Variants in OLFM3 observed in about 807,000 individuals in gnomAD.
The protein encoded by OLFM3 is olfactomedin 3, also known as noelin-3.
In OLFM3, 20 loss-of-function variants were observed where a neutral mutation model predicts 48.6. The ratio of observed to expected loss-of-function variants is 0.41; its 90% confidence interval spans 0.29 to 0.60. The LOEUF (loss-of-function observed/expected upper bound fraction) is 0.60. Among genes scored for constraint, OLFM3 ranks in the 20% least tolerant of loss-of-function variants. The probability of loss-of-function intolerance (pLI) is 0.28; values close to 1 mark genes in which losing one functional copy is unlikely to be tolerated. For synonymous variants in OLFM3, 222 were observed against 198.1 expected, an observed-to-expected ratio of 1.12 and a Z score of -1.01; for missense variants, 437 against 544.3, an observed-to-expected ratio of 0.80 and a Z score of 1.96.
chr1:101,889,938 A>G (rs939046452), intron 1 of OLFM3, among the ~76,000 whole-genome samples: 21 of 152,078 alleles, frequency 1.4e-4, no homozygotes, highest in Admixed American at 8.5e-4. Context: ...GTCAGAAAAG[A>G]GTGGAGAACA....
intron 4 of OLFM3, among the ~76,000 whole-genome samples, chr1:101,810,087 T>C (rs1009123832): frequency 2.0e-5 from 3 of 151,870 alleles, no homozygotes; most frequent in Non-Finnish European, 2.9e-5. Context: ...GAAAGAAAGA[T>C]GGGGGTGTAA....
At chr1:101,927,208 A>C (rs907614313) in intron 1 of OLFM3, among the ~76,000 whole-genome samples, 1 of 152,170 alleles carries the variant, frequency 6.6e-6, no homozygotes, top group Non-Finnish European at 1.5e-5. Context: ...TGAGAAAAGA[A>C]GTAAAAACTG....
chr1:101,850,299 A>G (rs1045678627), intron 1 of OLFM3, among the ~76,000 whole-genome samples: 3 of 152,146 alleles, frequency 2.0e-5, no homozygotes, highest in African/African-American at 7.2e-5. Context: ...TGGAATGCTG[A>G]AAGCTATTGA....
chr1:101,972,290 C>T (rs1660826310), intron 1 of OLFM3, among the ~76,000 whole-genome samples: 1 of 152,040 alleles, frequency 6.6e-6, no homozygotes, highest in African/African-American at 2.4e-5. Flanking sequence ...AGAAATTATC[C>T]CTTTGTGAAT....
chr1:101,812,583 A>T, intron 4 of OLFM3: 1 of 985,526 alleles, frequency 1.0e-6, no homozygotes, highest in Non-Finnish European at 1.2e-6. Context: ...GCCTTATCTA[A>T]TCGACATTTC....
intron 1 of OLFM3, among the ~76,000 whole-genome samples, chr1:101,992,593 A>C (rs921745651): frequency 1.3e-5 from 2 of 151,288 alleles, no homozygotes; most frequent in African/African-American, 4.9e-5. Flanking sequence ...GCGAATTTTA[A>C]AGCAAGTAGT....
In OLFM3 at chr1:101,830,548, C is replaced by T. The variant is rs1655094780; in HGVS notation, c.372+124G>A. On this transcript the variant is annotated intron_variant, in intron 3 of 5. Coordinates refer to ENST00000370103, the MANE Select transcript of OLFM3 (RefSeq NM_058170.4). ...TTCAGTGGAGAGATGACTGAAATCC[C>T]CCATGAGTCTTTTACCTTGCACATA... The T allele has an allele frequency of 1.0e-5, 10 of 979,064 alleles. No homozygotes were observed. In the South Asian group the frequency reaches 1.3e-4, roughly 12 times the overall value. The allele number at this position is 979,064 out of a possible 1,614,324, so 60.6% of individuals were successfully genotyped here.
intron 1 of OLFM3, among the ~76,000 whole-genome samples, chr1:101,976,100 CA>C (rs1474085825): frequency 1.3e-5 from 2 of 152,086 alleles, no homozygotes; most frequent in Admixed American, 1.3e-4. Flanking sequence ...TGAAAGTCTC[CA>C]AAACACTCCA....
intron 1 of OLFM3, among the ~76,000 whole-genome samples, chr1:101,988,975 A>C (rs1353842096): frequency 1.3e-5 from 2 of 152,138 alleles, no homozygotes; most frequent in African/African-American, 2.4e-5. Context: ...TGCATCAGAC[A>C]CAGTACCTGT....
Position 101,803,165 on chromosome 1 carries a change from T to G in OLFM3, c.*1073A>C, listed in dbSNP as rs1570491749. 6.6e-6 allele frequency: 1 copy of G among 152,178 alleles called. No individual in the cohort carries two copies. The highest frequency in any genetic ancestry group is 2.4e-5 in the African/African-American group (1 of 41,384). 9.4% of individuals were successfully genotyped at this position (152,178 alleles called of 1,614,324 possible). A position where few individuals can be genotyped will look rare whatever the true frequency, so the allele number is the denominator to read the frequency against. On this transcript the variant is annotated 3_prime_UTR_variant, in exon 6 of 6. Transcript: ENST00000370103. ...AATCTAGAGGACATTACAGAATTTT[T>G]TTTTTCTAAGAGTTTTCAAATGTGC...
At chr1:101,847,376 A>G (rs944957346) in intron 1 of OLFM3, among the ~76,000 whole-genome samples, 2 of 151,920 alleles carry the variant, frequency 1.3e-5, no homozygotes, top group African/African-American at 4.8e-5. Flanking sequence ...AAAAAAATAC[A>G]CCTTTAAATG....
At chr1:101,939,234 CTTG>C (rs1659715839) in intron 1 of OLFM3, among the ~76,000 whole-genome samples, 2 of 152,242 alleles carry the variant, frequency 1.3e-5, no homozygotes, top group South Asian at 4.1e-4. Flanking sequence ...TGCGTTTCTA[CTTG>C]TTGTTTGCTT....
At chr1:101,884,590 G>A (rs946991658) in intron 1 of OLFM3, among the ~76,000 whole-genome samples, 2 of 151,938 alleles carry the variant, frequency 1.3e-5, no homozygotes, top group Non-Finnish European at 2.9e-5. Context: ...GAAAGTAATA[G>A]GCTAACTGTA....
chr1:101,808,689 T>G (rs980622694), intron 4 of OLFM3, among the ~76,000 whole-genome samples: 11 of 151,874 alleles, frequency 7.2e-5, no homozygotes, highest in Non-Finnish European at 1.5e-4. Flanking sequence ...ATGACGTTGG[T>G]GGTTTCCCTG....
At chr1:101,869,701 G>A (rs1656999719) in intron 1 of OLFM3, among the ~76,000 whole-genome samples, 1 of 152,148 alleles carries the variant, frequency 6.6e-6, no homozygotes, top group Non-Finnish European at 1.5e-5. Flanking sequence ...ATCTCCACAT[G>A]TCATGGGAGG....
intron 1 of OLFM3, among the ~76,000 whole-genome samples, chr1:101,981,816 G>T (rs1309940293): frequency 6.6e-6 from 1 of 152,020 alleles, no homozygotes; most frequent in East Asian, 1.9e-4. Context: ...TTGAACTTTT[G>T]CCTCAATTTT....
intron 1 of OLFM3, among the ~76,000 whole-genome samples, chr1:101,856,914 G>A (rs1208714070): frequency 6.6e-6 from 1 of 151,962 alleles, no homozygotes; most frequent in East Asian, 1.9e-4. Context: ...AAAAAGAAGA[G>A]GGAATTAGTA....
chr1:101,815,403 C>T (rs569111868), intron 4 of OLFM3, among the ~76,000 whole-genome samples: 82 of 149,726 alleles, frequency 5.5e-4, no homozygotes, highest in African/African-American at 2.0e-3. Flanking sequence ...GCCGAGATCG[C>T]GCCACTGCAT....
intron 1 of OLFM3, among the ~76,000 whole-genome samples, chr1:101,966,350 T>TGTGTGTGTGTGTGTGTGCGC (rs542204512): frequency 3.6e-4 from 36 of 99,902 alleles, no homozygotes; most frequent in African/African-American, 1.4e-3. Flanking sequence ...TGTGTGTGTG[T>TGTGTGTGTGTGTGTGTGCGC]GCGCTACAGA....
Sources: allele counts gnomAD v4.1 joint callset (sites outside exome capture counted in the v4.1 genomes callset), GRCh38; gene constraint gnomAD v4.1.1; transcripts MANE v1.5; gene names NCBI Gene and HGNC (gene_info 2026-07-23, HGNC 2026-07-21).